SEC63: variants seen among roughly 807,000 people sequenced by gnomAD.
SEC63 encodes the protein translocation protein SEC63 homolog.
Under a neutral mutation model 116.2 loss-of-function variants are expected in SEC63, and 56 were observed. That is an observed-to-expected ratio of 0.48 (90% CI 0.39 to 0.60). SEC63 has a LOEUF of 0.60. Ranked by LOEUF, SEC63 falls within the 20% of genes least tolerant of loss-of-function variation. The pLI, the probability that SEC63 is intolerant of heterozygous loss-of-function variation, is 0.00. For missense variants in SEC63, 668 were observed against 900.0 expected (o/e 0.74, Z 3.30); for synonymous variants, 273 against 294.6 (o/e 0.93, Z 0.75).
intron 17 of SEC63, 32 bp from the exon 18 acceptor site, chr6:107,881,282 T>A (rs748021398): frequency 7.1e-7 from 1 of 1,399,898 alleles, no homozygotes; most frequent in Admixed American, 1.7e-5. Context: ...ATATTTAAAA[T>A]CTAGTATGTG....
At chr6:107,915,222 C>T (rs1490026533) in intron 4 of SEC63, among the ~76,000 whole-genome samples, 2 of 151,986 alleles carry the variant, frequency 1.3e-5, no homozygotes, top group Admixed American at 6.6e-5. Context: ...TGATTATATC[C>T]CTTAATTTTT....
In SEC63 at chr6:107,942,545, A is replaced by C. The variant is rs912496067; in HGVS notation, c.125-13031T>G. 3.3e-5 allele frequency among the ~76,000 whole-genome samples: 5 copies of C among 152,196 alleles called. No individual in the cohort carries two copies. The East Asian group carries it at 5.8e-4, about 18-fold the overall frequency. ...ATATAGAAAAAAAACAAAACAAAAA[A>C]CCCTGCTCTCAAAGACCATAGCAAT... On this transcript the variant is annotated intron_variant, in intron 1 of 20. Coordinates refer to ENST00000369002, the MANE Select transcript of SEC63 (RefSeq NM_007214.5).
chr6:107,895,142 T>C (rs1049693890), intron 14 of SEC63, among the ~76,000 whole-genome samples: 2 of 152,212 alleles, frequency 1.3e-5, no homozygotes, highest in Non-Finnish European at 2.9e-5. Flanking sequence ...ACAATTCTTT[T>C]CTTTACTCCA....
At chr6:107,952,649 T>C (rs542596969) in intron 1 of SEC63, among the ~76,000 whole-genome samples, 78 of 152,120 alleles carry the variant, frequency 5.1e-4, no homozygotes, top group African/African-American at 1.8e-3. Context: ...TACCAGCTAC[T>C]TGGGAGGCCG....
chr6:107,921,903 T>A lies in SEC63; in HGVS notation c.346A>T (p.Thr116Ser). The A allele has an allele frequency of 1.3e-6, 2 of 1,524,144 alleles. No individual in the cohort carries two copies. Among genetic ancestry groups the A allele is most frequent in the South Asian group, 1.1e-5 (1 of 87,358 alleles). The allele number at this position is 1,524,144 out of a possible 1,614,324, so 94.4% of individuals were successfully genotyped here. ...YEVLNLDPGATVAEIKKQYRL... is the reference protein window; with the variant it reads ...YEVLNLDPGASVAEIKKQYRL... The stretch of plus-strand genomic sequence containing the variant: ...TATTGTTTTTTAATTTCTGCTACTG[T>A]GGCTCCCTGGGGAAAAACAAAAAAA... Residue 116 changes from threonine to serine, a missense_variant, in exon 4 of 21, where the codon ACA becomes TCA. Thr to Ser is a moderately conservative substitution (Grantham distance 58, BLOSUM62 1). This residue lies in a region of SEC63 where 142 missense variants were observed against 169.5 expected (regional missense o/e 0.84). Coordinates refer to ENST00000369002, the MANE Select transcript of SEC63 (RefSeq NM_007214.5).
chr6:107,915,428 G>A (rs943788079), intron 4 of SEC63, among the ~76,000 whole-genome samples: 9 of 152,198 alleles, frequency 5.9e-5, no homozygotes, highest in African/African-American at 2.2e-4. Flanking sequence ...GCTATGCACA[G>A]TTATTATAAG....
chr6:107,938,905 A>ATGTTTTTTC lies in SEC63; in HGVS notation c.125-9392_125-9391insGAAAAAACA, dbSNP rs540937864. ...ATAATACCGAAATATGCTTCTTAAA[A>ATGTTTTTTC]TTATTTTTTTAATTCCCTGTGACTA... On this transcript the variant is annotated intron_variant, in intron 1 of 20. Coordinates refer to ENST00000369002, the MANE Select transcript of SEC63 (RefSeq NM_007214.5). Among the ~76,000 whole-genome samples, 13 of 152,282 alleles carry ATGTTTTTTC rather than the reference A, an allele frequency of 8.5e-5. No individual in the cohort carries two copies. The South Asian group carries it at 2.7e-3, about 32-fold the overall frequency.
chr6:107,939,411 T>C (rs753502526), intron 1 of SEC63, among the ~76,000 whole-genome samples: 11 of 152,212 alleles, frequency 7.2e-5, no homozygotes, highest in African/African-American at 2.4e-4. Flanking sequence ...AGAAAACATA[T>C]ACCATGTAAC....
Position 107,890,760 on chromosome 6 carries a change from C to G in SEC63, c.1674+2722G>C, listed in dbSNP as rs1786662550. 1.3e-5 allele frequency among the ~76,000 whole-genome samples: 2 copies of G among 152,172 alleles called. 1 individual carries two copies. The highest frequency in any genetic ancestry group is 1.3e-4 in the Admixed American group (2 of 15,274). ...CCTTCAGGAGCTCTCAAAGGGCAGGCCTGGTGGTGACAAAATCCCTCCGCA... is the reference window on the plus strand; with the variant it reads ...CCTTCAGGAGCTCTCAAAGGGCAGGGCTGGTGGTGACAAAATCCCTCCGCA... On this transcript the variant is annotated intron_variant, in intron 16 of 20. Coordinates refer to ENST00000369002, the MANE Select transcript of SEC63 (RefSeq NM_007214.5).
chr6:107,871,944 C>T lies in SEC63; in HGVS notation c.2140-97G>A, dbSNP rs642954. ...AGGTTTTCTTTGACCACAGCAATTA[C>T]AAAGAAATAGTTTTTTATGGACACA... On this transcript the variant is annotated intron_variant, in intron 20 of 20. Coordinates refer to ENST00000369002, the MANE Select transcript of SEC63 (RefSeq NM_007214.5). 1,189,145 of 1,224,110 alleles carry T rather than the reference C, an allele frequency of 0.97. 577,947 individuals are homozygous for T. The highest frequency in any genetic ancestry group is 1 in the African/African-American group (66,333 of 66,634). 75.8% of individuals were successfully genotyped at this position (1,224,110 alleles called of 1,614,324 possible).
chr6:107,894,016 AAAG>A (rs1786756517), intron 14 of SEC63, 119 bp from the exon 15 acceptor site: 4 of 1,067,824 alleles, frequency 3.7e-6, no homozygotes, highest in Admixed American at 2.0e-5. Context: ...TACAATTGAC[AAAG>A]AAGGAGACGT....
intron 2 of SEC63, among the ~76,000 whole-genome samples, chr6:107,925,858 CT>C (rs539365637): frequency 1.3e-4 from 20 of 149,876 alleles, no homozygotes; most frequent in East Asian, 3.9e-4. Context: ...ATTTGATTAA[CT>C]TTTTTTTTTA....
intron 1 of SEC63, among the ~76,000 whole-genome samples, chr6:107,935,152 C>T (rs1489806575): frequency 1.3e-5 from 2 of 148,626 alleles, no homozygotes; most frequent in Non-Finnish European, 3.0e-5. Context: ...CCAGCTGCCC[C>T]GTCCGGGAGG....
intron 4 of SEC63, among the ~76,000 whole-genome samples, chr6:107,918,913 T>G (rs928005015): frequency 1.5e-5 from 2 of 136,520 alleles, no homozygotes; most frequent in Non-Finnish European, 3.2e-5. Flanking sequence ...CCTTTTTTTT[T>G]TTTTTTTTTT....
intron 4 of SEC63, among the ~76,000 whole-genome samples, chr6:107,918,327 TACAA>T (rs1307825752): frequency 1.3e-5 from 2 of 152,168 alleles, no homozygotes; most frequent in Non-Finnish European, 2.9e-5. Flanking sequence ...GATGGAGCTG[TACAA>T]ACAGATTAAT....
rs779649782 is a variant in SEC63, at chr6:107,906,770, G to C, written c.741C>G (p.Ile247Met). The stretch of plus-strand genomic sequence containing the variant: ...ATTCAGAAGCTCCAGCCAAAACCAT[G>C]ATAAGACCTAACAAAACAAAAGAAA... ...KTRNMDMKRL[I>M]MVLAGASEFD... Residue 247 changes from isoleucine to methionine, a missense_variant, in exon 9 of 21, where the codon ATC (isoleucine) becomes ATG (methionine). Ile to Met is a conservative substitution (Grantham distance 10). Around this residue, in one of 5 missense-constraint regions of SEC63, gnomAD observed 430 missense variants for 557.5 expected, o/e 0.77. Coordinates refer to ENST00000369002, the MANE Select transcript of SEC63 (RefSeq NM_007214.5). 6.2e-7 allele frequency: 1 copy of C among 1,611,782 alleles called. No homozygotes were observed. Among genetic ancestry groups the C allele is most frequent in the African/African-American group, 1.3e-5 (1 of 74,940 alleles).
Position 107,958,171 on chromosome 6 carries a change from T to G in SEC63, c.-162A>C. The G allele has an allele frequency of 1.8e-6, 2 of 1,109,856 alleles. No individual in the cohort carries two copies. The highest frequency in any genetic ancestry group is 2.6e-6 in the Non-Finnish European group (2 of 774,812). The allele number at this position is 1,109,856 out of a possible 1,614,324, so 68.8% of individuals were successfully genotyped here. ...CTCTCACGGACACGCCGCCGCCACC[T>G]CTGCCGCTGCCGCCGCCGTCGCCAG... On this transcript the variant is annotated 5_prime_UTR_variant, in exon 1 of 21. Coordinates refer to ENST00000369002, the MANE Select transcript of SEC63 (RefSeq NM_007214.5).
At position 107,883,076 on chromosome 6, in the gene SEC63, T is replaced by C. The variant is rs374118210; in HGVS notation, c.1745A>G (p.Asn582Ser). The change falls in exon 17 of 21, where the codon AAT (asparagine) becomes AGT (serine). Residue 582 changes from asparagine (N) to serine (S), a missense_variant. By Grantham distance (46) the Asn-to-Ser change is conservative (BLOSUM62 1). Transcript: ENST00000369002. ...KGSDSEEEET[N>S]RDSQSEKDDG... ...ATCTTTCTCACTTTGGGAATCTCTA[T>C]TGGTTTCTTCTTCTTCAGAATCACT... is the stretch of plus-strand genomic sequence containing the variant. 1.2e-6 allele frequency: 2 copies of C among 1,613,224 alleles called. No individual in the cohort carries two copies. The highest frequency in any genetic ancestry group is 8.5e-7 in the Non-Finnish European group (1 of 1,179,606).
At chr6:107,917,303 ATC>A (rs1787428645) in intron 4 of SEC63, among the ~76,000 whole-genome samples, 1 of 152,132 alleles carries the variant, frequency 6.6e-6, no homozygotes, top group South Asian at 2.1e-4. Context: ...ATGTGGGTAA[ATC>A]TCTGTTTGGG....
Sources: gnomAD v4.1 joint callset for allele counts (sites outside exome capture counted in the v4.1 genomes callset) on GRCh38, gnomAD v4.1.1 for gene constraint, gnomAD v4.1.1 regional missense constraint, MANE v1.5 for transcripts, NCBI Gene and HGNC (gene_info 2026-07-23, HGNC 2026-07-21) for gene names.